Variants in FNIP1 observed in about 807,000 individuals in gnomAD.
FNIP1 encodes folliculin-interacting protein 1.
In FNIP1, 40 loss-of-function variants were observed where a neutral mutation model predicts 124.5. That is an observed-to-expected ratio of 0.32 (90% CI 0.25 to 0.42). The LOEUF is 0.42. Ranked by LOEUF, FNIP1 falls within the 10% of genes least tolerant of loss-of-function variation. The pLI is 1.00. For synonymous variants in FNIP1, 472 were observed against 470.6 expected (o/e 1.00, Z -0.04); for missense variants, 1,176 against 1,403.7 (o/e 0.84, Z 2.59).
chr5:131,790,478 C>CA (rs56699008), intron 1 of FNIP1, among the ~76,000 whole-genome samples: 9,058 of 70,160 alleles, frequency 0.13, 1,005 homozygotes, highest in East Asian at 0.21. Flanking sequence ...GAACCTGTCT[C>CA]AAAAAAAAAA....
rs146540044 is a variant in FNIP1 at position 131,721,274 on chromosome 5, G to T, written c.355-1857C>A. On this transcript the variant is annotated intron_variant, in intron 3 of 17. Coordinates refer to ENST00000510461, the MANE Select transcript of FNIP1 (RefSeq NM_133372.3). ...TAAGATAAATACTCCACTTATATGAGGTATTTAAAATAGCCAAATTTACAG... is the reference window on the plus strand; with the variant it reads ...TAAGATAAATACTCCACTTATATGATGTATTTAAAATAGCCAAATTTACAG... Among the ~76,000 whole-genome samples the T allele has an allele frequency of 4.7e-3, 713 of 152,160 alleles. 9 individuals are homozygous for T. The highest frequency in any genetic ancestry group is 0.016 in the African/African-American group (677 of 41,504).
intron 1 of FNIP1, among the ~76,000 whole-genome samples, chr5:131,779,530 A>T (rs1166006468): frequency 1.3e-5 from 2 of 151,334 alleles, no homozygotes; most frequent in Admixed American, 6.6e-5. Flanking sequence ...AAAAAAAAAA[A>T]TACAAAAATT....
chr5:131,683,921 CCT>C (rs1356082623), intron 11 of FNIP1, among the ~76,000 whole-genome samples: 2 of 152,150 alleles, frequency 1.3e-5, no homozygotes, highest in Admixed American at 6.6e-5. Flanking sequence ...CCTTGATGTG[CCT>C]CTCTGTTTAA....
chr5:131,644,426 T>C lies in FNIP1; in HGVS notation c.*259A>G. 1 of 311,836 alleles carries C rather than the reference T, an allele frequency of 3.2e-6. No homozygotes were observed. The highest frequency in any genetic ancestry group is 7.1e-5 in the East Asian group (1 of 14,128). The allele number at this position is 311,836 out of a possible 1,614,324, so 19.3% of individuals were successfully genotyped here. A position where few individuals can be genotyped will look rare whatever the true frequency, so the allele number is the denominator to read the frequency against. On this transcript the variant is annotated 3_prime_UTR_variant, in exon 18 of 18. Transcript: ENST00000510461. ...TTTTGTAGAAATTTCTACCGTACACTTTGGCTTTTTCAAATGCTTCAAAAT... is the reference window on the plus strand; with the variant it reads ...TTTTGTAGAAATTTCTACCGTACACCTTGGCTTTTTCAAATGCTTCAAAAT...
intron 2 of FNIP1, among the ~76,000 whole-genome samples, chr5:131,740,222 G>A (rs1770468167): frequency 6.6e-6 from 1 of 152,160 alleles, no homozygotes; most frequent in Admixed American, 6.5e-5. Flanking sequence ...TATTTTAAAT[G>A]AATGTCTCAC....
intron 2 of FNIP1, among the ~76,000 whole-genome samples, chr5:131,742,838 T>C (rs1413598096): frequency 6.6e-6 from 1 of 152,152 alleles, no homozygotes; most frequent in Non-Finnish European, 1.5e-5. Flanking sequence ...ATATGTACAG[T>C]AGTGTTCAAA....
chr5:131,693,333 CAT>C (rs70974007), intron 11 of FNIP1, among the ~76,000 whole-genome samples: 4,215 of 50,160 alleles, frequency 0.084, 241 homozygotes, highest in African/African-American at 0.16. Context: ...TATATATATA[CAT>C]ATATATATAT....
At chr5:131,763,518 T>C (rs1580819292) in intron 1 of FNIP1, among the ~76,000 whole-genome samples, 2 of 152,238 alleles carry the variant, frequency 1.3e-5, no homozygotes, top group South Asian at 4.1e-4. Flanking sequence ...GGAAAACTTA[T>C]ATTTGTGGAG....
intron 2 of FNIP1, among the ~76,000 whole-genome samples, chr5:131,740,101 G>A (rs978452097): frequency 6.6e-6 from 1 of 152,126 alleles, no homozygotes; most frequent in African/African-American, 2.4e-5. Flanking sequence ...AATATGTTTA[G>A]CCTTTCCATT....
chr5:131,739,823 A>G (rs866717225), intron 2 of FNIP1, among the ~76,000 whole-genome samples: 3 of 151,106 alleles, frequency 2.0e-5, no homozygotes, highest in Middle Eastern at 3.2e-3. Context: ...AAAAAAAAAA[A>G]AAAAAAAAAA....
chr5:131,734,140 A>T (rs1028108749), intron 2 of FNIP1, among the ~76,000 whole-genome samples: 1 of 152,054 alleles, frequency 6.6e-6, no homozygotes, highest in Non-Finnish European at 1.5e-5. Flanking sequence ...GTATGCTCTG[A>T]TGGTAGTTTG....
chr5:131,708,210 T>C (rs146571863), intron 8 of FNIP1, among the ~76,000 whole-genome samples: 1 of 152,340 alleles, frequency 6.6e-6, no homozygotes, highest in East Asian at 1.9e-4. Flanking sequence ...GGCACTTGAA[T>C]TTTTTATAAA....
chr5:131,657,752 A>AAC (rs1167833051), intron 15 of FNIP1, among the ~76,000 whole-genome samples: 7 of 151,056 alleles, frequency 4.6e-5, no homozygotes, highest in South Asian at 2.1e-4. Flanking sequence ...AAAAAAAAAA[A>AAC]AAAAAACGGT....
chr5:131,663,194 C>A, intron 15 of FNIP1, among the ~76,000 whole-genome samples: 1 of 152,188 alleles, frequency 6.6e-6, no homozygotes, highest in East Asian at 1.9e-4. Flanking sequence ...TTTGTCCTCA[C>A]TGAAATCTGG....
At chr5:131,740,402 TA>T (rs1371265757) in intron 2 of FNIP1, among the ~76,000 whole-genome samples, 1 of 152,228 alleles carries the variant, frequency 6.6e-6, no homozygotes, top group Non-Finnish European at 1.5e-5. Flanking sequence ...TCTCATGTCT[TA>T]AAATCTGTAA....
At position 131,727,837 on chromosome 5, in the gene FNIP1, G is replaced by C. The variant is rs190005311; in HGVS notation, c.354+3067C>G. Among the ~76,000 whole-genome samples the C allele has an allele frequency of 1.5e-3, 228 of 152,260 alleles. 1 individual carries two copies. The highest frequency in any genetic ancestry group is 5.2e-3 in the African/African-American group (215 of 41,544). On this transcript the variant is annotated intron_variant, in intron 3 of 17. Transcript: ENST00000510461. ...TTACCGTTTTCCCTTGCCATATTTA[G>C]TGCTTCCTTCAGGAGCTCTTGTAAG...
At chr5:131,794,793 G>A (rs1772524569) in intron 1 of FNIP1, among the ~76,000 whole-genome samples, 1 of 152,132 alleles carries the variant, frequency 6.6e-6, no homozygotes, top group Non-Finnish European at 1.5e-5. Flanking sequence ...GAGAAAAAAA[G>A]GAACTAATAA....
intron 15 of FNIP1, among the ~76,000 whole-genome samples, chr5:131,659,218 A>C (rs1250369022): frequency 1.3e-5 from 2 of 152,294 alleles, no homozygotes; most frequent in South Asian, 4.1e-4. Context: ...TGTTGCCGCC[A>C]AACAACACTG....
At chr5:131,719,459 G>A (rs765668596) in intron 3 of FNIP1, 42 bp from the exon 4 acceptor site, 1 of 1,511,034 alleles carries the variant, frequency 6.6e-7, no homozygotes, top group Non-Finnish European at 9.0e-7. Flanking sequence ...TTAATTAAAA[G>A]CTTATGACTA....
Sources: allele counts gnomAD v4.1 joint callset (sites outside exome capture counted in the v4.1 genomes callset), GRCh38; gene constraint gnomAD v4.1.1; transcripts MANE v1.5; gene names NCBI Gene and HGNC (gene_info 2026-07-23, HGNC 2026-07-21).